Variants in ZC3HAV1 observed in about 807,000 individuals in gnomAD.
ZC3HAV1 encodes the protein zinc finger CCCH-type antiviral protein 1.
Under a neutral mutation model 86.6 loss-of-function variants are expected in ZC3HAV1, and 41 were observed. The ratio of observed to expected loss-of-function variants is 0.47; its 90% CI spans 0.37 to 0.61. The LOEUF is 0.61. Among genes scored for constraint, ZC3HAV1 ranks in the 20% least tolerant of loss-of-function variants. The probability of loss-of-function intolerance (pLI) is 0.00; values close to 1 mark genes in which losing one functional copy is unlikely to be tolerated. For missense variants in ZC3HAV1, 964 were observed against 1,141.1 expected (o/e 0.84, Z 2.24); for synonymous variants, 421 against 432.1 (o/e 0.97, Z 0.32).
At chr7:139,055,184 C>T (rs780998405) in intron 10 of ZC3HAV1, 21 bp downstream of exon 10, 1 of 1,598,526 alleles carries the variant, frequency 6.3e-7, no homozygotes, top group South Asian at 1.1e-5. Flanking sequence ...ACTCATCCAC[C>T]AAACATGTAA....
intron 9 of ZC3HAV1, among the ~76,000 whole-genome samples, chr7:139,057,607 C>T (rs1330271674): frequency 6.8e-5 from 5 of 73,748 alleles, no homozygotes; most frequent in African/African-American, 1.9e-4. Context: ...GGCGCGATCT[C>T]GGCTCACTGC....
At chr7:139,091,296 G>C (rs185744887) in intron 1 of ZC3HAV1, among the ~76,000 whole-genome samples, 4 of 152,134 alleles carry the variant, frequency 2.6e-5, no homozygotes, top group East Asian at 3.9e-4. Context: ...TCAGGAGATC[G>C]AGACGTCCTG....
At chr7:139,100,836 C>CCTCTCT (rs1817734285) in intron 1 of ZC3HAV1, among the ~76,000 whole-genome samples, 3 of 149,034 alleles carry the variant, frequency 2.0e-5, no homozygotes, top group Admixed American at 2.0e-4. Context: ...TCTCCCTCTC[C>CCTCTCT]CTCTCTTTCC....
In ZC3HAV1 at chr7:139,108,346, A is replaced by G. The variant is rs1414831101; in HGVS notation, c.308+678T>C. Among the ~76,000 whole-genome samples the G allele has an allele frequency of 1.3e-5, 2 of 151,874 alleles. No individual in the cohort carries two copies. Among genetic ancestry groups the G allele is most frequent in the Non-Finnish European group, 2.9e-5 (2 of 67,978 alleles). On this transcript the variant is annotated intron_variant, in intron 1 of 12. Coordinates refer to ENST00000242351, the MANE Select transcript of ZC3HAV1 (RefSeq NM_020119.4). This position sits in a 1 kb window ranked among gnomAD's most constrained non-coding sequence, Gnocchi z 4.2. ...GAGCCACACTGCTTCAAAGGGATTT[A>G]AGAGAGTTGTCCCAAGGCAGGCGGT...
At chr7:139,063,642 T>G (rs1234557012) in intron 8 of ZC3HAV1, among the ~76,000 whole-genome samples, 1 of 150,594 alleles carries the variant, frequency 6.6e-6, no homozygotes, top group African/African-American at 2.5e-5. Flanking sequence ...CAGGATCGCT[T>G]GAGCCAGGGA....
At chr7:139,087,277 T>C in intron 2 of ZC3HAV1, among the ~76,000 whole-genome samples, 1 of 152,130 alleles carries the variant, frequency 6.6e-6, no homozygotes, top group East Asian at 1.9e-4. Context: ...GTGCTGGTAG[T>C]CATGGAGGAC....
In ZC3HAV1 at chr7:139,072,502, G is replaced by C. The variant is rs555889376; in HGVS notation, c.1872+1354C>G. Among the ~76,000 whole-genome samples, 156 of 151,982 alleles carry C rather than the reference G, an allele frequency of 1.0e-3. 1 individual carries two copies. Among genetic ancestry groups the C allele is most frequent in the African/African-American group, 3.4e-3 (139 of 41,472 alleles). ...GCACCCAGCCCATGCATTATTTTTG[G>C]CTTCATTTTAATCTCTTGCTTTCAT... On this transcript the variant is annotated intron_variant, in intron 7 of 12. Coordinates refer to ENST00000242351, the MANE Select transcript of ZC3HAV1 (RefSeq NM_020119.4).
chr7:139,095,870 C>T (rs1817571004), intron 1 of ZC3HAV1, among the ~76,000 whole-genome samples: 1 of 152,120 alleles, frequency 6.6e-6, no homozygotes, highest in African/African-American at 2.4e-5. Flanking sequence ...AGGTAGGAGA[C>T]GGGCATCAGT....
Position 139,089,641 on chromosome 7 carries a change from G to A in ZC3HAV1, c.427C>T (p.Pro143Ser). The A allele has an allele frequency of 1.9e-6, 3 of 1,603,862 alleles. No homozygotes were observed. The highest frequency in any genetic ancestry group is 2.6e-6 in the Non-Finnish European group (3 of 1,176,266). Reference sequence around the variant, plus strand: ...CAACTTACCTCGGGCATAAAAAAAGGATCACTTTGGAGGAGGAGCACTGCT... The same window carrying A: ...CAACTTACCTCGGGCATAAAAAAAGAATCACTTTGGAGGAGGAGCACTGCT... ...ELAVLLLQSD[P>S]FFMPEICKSY... The change falls in exon 2 of 13, where the codon CCT becomes TCT. Residue 143 changes from proline to serine, a missense_variant. Pro to Ser is a moderately conservative substitution (Grantham distance 74, BLOSUM62 -1). Coordinates refer to ENST00000242351, the MANE Select transcript of ZC3HAV1 (RefSeq NM_020119.4).
chr7:139,074,073 C>T, intron 6 of ZC3HAV1, 43 bp from the exon 7 acceptor site: 1 of 1,561,644 alleles, frequency 6.4e-7, no homozygotes, highest in Non-Finnish European at 8.7e-7. Context: ...CTTCATTGAC[C>T]CCTGTTTTCT....
In ZC3HAV1 at chr7:139,089,264, C is replaced by A. The variant is rs149745767; in HGVS notation, c.444+360G>T. ...GGGGGTCTCTGTTACAACAGCTTAG[C>A]CCATACCCTCATCTTCCCCGCCAAC... On this transcript the variant is annotated intron_variant, in intron 2 of 12. Coordinates refer to ENST00000242351, the MANE Select transcript of ZC3HAV1 (RefSeq NM_020119.4). Among the ~76,000 whole-genome samples the A allele has an allele frequency of 6.6e-4, 101 of 152,140 alleles. 3 individuals carry two copies. In the East Asian group the frequency reaches 0.019, roughly 28 times the overall value.
Position 139,108,264 on chromosome 7 carries a change from T to C in ZC3HAV1, c.308+760A>G, listed in dbSNP as rs2130746360. Among the ~76,000 whole-genome samples the C allele has an allele frequency of 6.6e-6, 1 of 150,890 alleles. No homozygotes were observed. The highest frequency in any genetic ancestry group is 2.4e-5 in the African/African-American group (1 of 41,120). ...ACCCAAACCTTGCAGCGCATCTGCA[T>C]TTAGACGAAAAAAAAAAAAGGCAAA... On this transcript the variant is annotated intron_variant, in intron 1 of 12. Transcript: ENST00000242351. The surrounding 1 kb of genome is among the most constrained non-coding windows in gnomAD (Gnocchi z 4.2).
Position 139,094,146 on chromosome 7 carries a change from C to T in ZC3HAV1, c.309-4387G>A, listed in dbSNP as rs963010660. ...GGGTGATTCTCAATCTTTTAGGATG[C>T]ATCAGCATCACCTAGACAGGAGGTC... On this transcript the variant is annotated intron_variant, in intron 1 of 12. Coordinates refer to ENST00000242351, the MANE Select transcript of ZC3HAV1 (RefSeq NM_020119.4). Among the ~76,000 whole-genome samples, 10 of 152,198 alleles carry T rather than the reference C, an allele frequency of 6.6e-5. 1 individual carries two copies. The highest frequency in any genetic ancestry group is 3.3e-4 in the Admixed American group (5 of 15,274).
chr7:139,063,847 A>C (rs1816521063), intron 8 of ZC3HAV1, among the ~76,000 whole-genome samples: 1 of 152,104 alleles, frequency 6.6e-6, no homozygotes, highest in Non-Finnish European at 1.5e-5. Flanking sequence ...ACTGAAATTT[A>C]ATACCCTAAT....
At chr7:139,065,818 C>T (rs776443090) in intron 7 of ZC3HAV1, among the ~76,000 whole-genome samples, 3 of 152,026 alleles carry the variant, frequency 2.0e-5, no homozygotes, top group Non-Finnish European at 4.4e-5. Flanking sequence ...ACAGGAGAAT[C>T]GCTTAAACTC....
intron 1 of ZC3HAV1, among the ~76,000 whole-genome samples, chr7:139,106,837 G>A (rs932162744): frequency 4.8e-5 from 6 of 125,342 alleles, no homozygotes; most frequent in South Asian, 2.3e-4. Context: ...TCAAATGGTT[G>A]CTGAGATTTG....
rs1300451702 is a variant in ZC3HAV1, at chr7:139,109,479, GT to G, written c.-149del. On this transcript the variant is annotated 5_prime_UTR_variant, in exon 1 of 13. Coordinates refer to ENST00000242351, the MANE Select transcript of ZC3HAV1 (RefSeq NM_020119.4). The stretch of plus-strand genomic sequence containing the variant: ...CAGCGAGGGCGCGCTCTCCGTCGCC[GT>G]TAGCCCAGCCCAGCGATCCACTCTC... 1.6e-5 allele frequency: 16 copies of G among 1,000,362 alleles called. No homozygotes were observed. The highest frequency in any genetic ancestry group is 5.3e-5 in the South Asian group (3 of 57,030). The allele number at this position is 1,000,362 out of a possible 1,614,324, so 62.0% of individuals were successfully genotyped here.
chr7:139,105,317 G>A (rs746981288), intron 1 of ZC3HAV1, among the ~76,000 whole-genome samples: 2 of 152,168 alleles, frequency 1.3e-5, no homozygotes, highest in Non-Finnish European at 1.5e-5. Context: ...CTCCATGCCC[G>A]AGTTTCCTAC....
At chr7:139,081,200 A>C (rs1434670866) in intron 3 of ZC3HAV1, among the ~76,000 whole-genome samples, 2 of 151,924 alleles carry the variant, frequency 1.3e-5, no homozygotes, top group African/African-American at 4.8e-5. Flanking sequence ...CATGTGGAAG[A>C]TGTGCATGTC....
Sources: gnomAD v4.1 joint callset for allele counts (sites outside exome capture counted in the v4.1 genomes callset) on GRCh38, gnomAD v4.1.1 for gene constraint, Gnocchi (gnomAD v3.1) non-coding constraint, MANE v1.5 for transcripts, NCBI Gene and HGNC (gene_info 2026-07-23, HGNC 2026-07-21) for gene names.